Variants in ITGAX observed in about 807,000 individuals in gnomAD.
The protein encoded by ITGAX is integrin subunit alpha X.
A neutral mutation model predicts 140.2 loss-of-function variants in ITGAX; 99 were observed. That is an observed-to-expected ratio of 0.71 (90% CI 0.60 to 0.83). The LOEUF (loss-of-function observed/expected upper bound fraction) is 0.83, where lower values mean the gene tolerates loss of function less well. Among genes scored for constraint, ITGAX ranks in the 40% least tolerant of loss-of-function variants. ITGAX has a pLI of 0.00. For missense variants in ITGAX, 1,444 were observed against 1,482.0 expected (o/e 0.97, Z 0.42); for synonymous variants, 631 against 600.4 (o/e 1.05, Z -0.75).
chr16:31,361,835 G>C lies in ITGAX; in HGVS notation c.1013-1G>C. On this transcript the variant is annotated splice_acceptor_variant, in intron 9 of 29. Coordinates refer to ENST00000268296, the MANE Select transcript of ITGAX (RefSeq NM_000887.5). LOFTEE classifies it high-confidence loss of function. Reference sequence around the variant, plus strand: ...CACTCAAGCGTCATGCCTTCCCCCAGGTACGGAGACCACAAGCAGTAGCTC... The same window carrying C: ...CACTCAAGCGTCATGCCTTCCCCCACGTACGGAGACCACAAGCAGTAGCTC... 1 of 1,614,058 alleles carries C rather than the reference G, an allele frequency of 6.2e-7. No homozygotes were observed. The highest frequency in any genetic ancestry group is 1.3e-5 in the African/African-American group (1 of 75,024).
chr16:31,371,089 C>G lies in ITGAX; in HGVS notation c.1716C>G (p.Ile572Met). 1 of 1,614,004 alleles carries G rather than the reference C, an allele frequency of 6.2e-7. No homozygotes were observed. Residue 572 changes from isoleucine (I) to methionine (M), a missense_variant, in exon 15 of 30, where the codon ATC becomes ATG. Transcript: ENST00000268296. ...CCCTTCTCTCCTCTGGCCAGCGGAT[C>G]GCGGGCTCCCAGCTCTCCTCCAGGC... ...PSISPSHSQR[I>M]AGSQLSSRLQ... is the part of the protein sequence containing the mutation.
intron 9 of ITGAX, chr16:31,361,570 C>A (rs756739350): frequency 4.2e-6 from 3 of 707,790 alleles, no homozygotes; most frequent in South Asian, 1.8e-5. Context: ...AAGGGGCACA[C>A]GGACACCTGG....
At chr16:31,363,466 C>T in intron 14 of ITGAX, 92 bp downstream of exon 14, 1 of 1,425,586 alleles carries the variant, frequency 7.0e-7, no homozygotes, top group South Asian at 1.2e-5. Context: ...TTTACCTTTT[C>T]CTACCTCCCT....
At chr16:31,380,743 G>A (rs758375756) in intron 28 of ITGAX, 119 bp downstream of exon 28, 3 of 1,363,676 alleles carry the variant, frequency 2.2e-6, no homozygotes, top group Non-Finnish European at 3.1e-6. Flanking sequence ...CTCTGGGCAG[G>A]ATAGCTGTCC....
intron 15 of ITGAX, 37 bp downstream of exon 15, chr16:31,371,251 C>A (rs2080955221): frequency 6.2e-7 from 1 of 1,604,462 alleles, no homozygotes; most frequent in Non-Finnish European, 8.5e-7. Flanking sequence ...CCCAGGTGGT[C>A]CTAGGTTCAG....
At chr16:31,377,351 C>A in intron 23 of ITGAX, 86 bp downstream of exon 23, 2 of 1,089,816 alleles carry the variant, frequency 1.8e-6, no homozygotes, top group Non-Finnish European at 2.7e-6. Flanking sequence ...AACGCTGCCA[C>A]AGAGGGTGAG....
rs368404902 is a variant in ITGAX at position 31,361,200 on chromosome 16, C to A, written c.999C>A (p.Ile333=). The change falls in exon 9 of 30, where the codon ATC becomes ATA. Residue 333 remains isoleucine, a synonymous_variant. Coordinates refer to ENST00000268296, the MANE Select transcript of ITGAX (RefSeq NM_000887.5). ...KDIQNQLKEK[I]FAIEGTETTS... ...TTCAAAACCAACTGAAGGAGAAGAT[C>A]TTTGCCATTGAGGGTGAGTCTGAAG... 4 of 1,611,896 alleles carry A rather than the reference C, an allele frequency of 2.5e-6. No homozygotes were observed. The highest frequency in any genetic ancestry group is 3.4e-6 in the Non-Finnish European group (4 of 1,178,748).
At position 31,380,005 on chromosome 16, in the gene ITGAX, A is replaced by G; in HGVS notation, c.3000A>G (p.Ser1000=). 1 of 1,614,126 alleles carries G rather than the reference A, an allele frequency of 6.2e-7. No homozygotes were observed. Among genetic ancestry groups the G allele is most frequent in the South Asian group, 1.1e-5 (1 of 91,080 alleles). ...HPQNPSLRCS[S]EKIAPPASDF... ...AGAACCCATCCCTTCGGTGCTCCTC[A>G]GAGAAAATCGCACCCCCAGCATCTG... Residue 1000 remains serine, a synonymous_variant, in exon 26 of 30, where the codon TCA becomes TCG. Coordinates refer to ENST00000268296, the MANE Select transcript of ITGAX (RefSeq NM_000887.5).
At position 31,377,005 on chromosome 16, in the gene ITGAX, C is replaced by T. The variant is rs1405742034; in HGVS notation, c.2631C>T (p.Thr877=). The change falls in exon 22 of 30, where the codon ACC becomes ACT. Residue 877 remains threonine (T), a synonymous_variant. Transcript: ENST00000268296. ...HLIFRGGAQI[T]FLATFDVSPK... The stretch of plus-strand genomic sequence containing the variant: ...TCTCAGTTCCTTTTCCTCAGATCAC[C>T]TTCTTGGCTACCTTTGACGTCTCCC... The T allele has an allele frequency of 5.6e-6, 9 of 1,614,176 alleles. No individual in the cohort carries two copies. Among genetic ancestry groups the T allele is most frequent in the Middle Eastern group, 1.6e-4 (1 of 6,062 alleles).
chr16:31,357,095 G>A lies in ITGAX; in HGVS notation c.312G>A (p.Gln104=). The change falls in exon 4 of 30, where the codon CAG becomes CAA. Residue 104 remains glutamine, a synonymous_variant. Transcript: ENST00000268296. ...LSLASTTSPS[Q]LLACGPTVHH... ...TGGCGTCTACCACCAGCCCTTCCCAGCTGCTGGTGAGTGGCCCTGGGTCAC... is the reference window on the plus strand; with the variant it reads ...TGGCGTCTACCACCAGCCCTTCCCAACTGCTGGTGAGTGGCCCTGGGTCAC... 1 of 1,606,048 alleles carries A rather than the reference G, an allele frequency of 6.2e-7. No individual in the cohort carries two copies. Among genetic ancestry groups the A allele is most frequent in the Non-Finnish European group, 8.5e-7 (1 of 1,178,592 alleles).
intron 9 of ITGAX, 90 bp downstream of exon 9, chr16:31,361,303 A>G (rs528834889): frequency 6.3e-5 from 87 of 1,386,384 alleles, no homozygotes; most frequent in Middle Eastern, 5.5e-4. Flanking sequence ...ACAGGTAGAC[A>G]GCGTCTCGGT....
At chr16:31,369,501 C>T (rs979009126) in intron 14 of ITGAX, among the ~76,000 whole-genome samples, 1 of 152,210 alleles carries the variant, frequency 6.6e-6, no homozygotes, top group Non-Finnish European at 1.5e-5. Context: ...AGCAAACTTC[C>T]TCACGGTCTT....
rs140545479 is a variant in ITGAX at position 31,374,214 on chromosome 16, G to A, written c.2508+824G>A. 3.0e-3 allele frequency among the ~76,000 whole-genome samples: 463 copies of A among 152,166 alleles called. 7 individuals carry two copies. Among genetic ancestry groups the A allele is most frequent in the East Asian group, 0.01 (54 of 5,174 alleles). ...CGAGGTGAGAGAACTGCTTGAACCC[G>A]GAAGACGGAGGTTGCAGTGAGCTGA... On this transcript the variant is annotated intron_variant, in intron 20 of 29. Coordinates refer to ENST00000268296, the MANE Select transcript of ITGAX (RefSeq NM_000887.5).
At chr16:31,357,416 G>A in intron 5 of ITGAX, 52 bp downstream of exon 5, 12 of 1,174,386 alleles carry the variant, frequency 1.0e-5, no homozygotes, top group Non-Finnish European at 1.5e-5. Flanking sequence ...ATCCAATTGG[G>A]GGTGCGGTGG....
rs139448665 is a variant in ITGAX, at chr16:31,371,382, C to G, written c.1890C>G (p.Ala630=). The G allele has an allele frequency of 2.5e-6, 4 of 1,614,198 alleles. No individual in the cohort carries two copies. The highest frequency in any genetic ancestry group is 3.4e-6 in the Non-Finnish European group (4 of 1,180,028). ...WVGVSMQFIP[A]EIPRSAFECR... Reference sequence around the variant, plus strand: ...GGGTGAGCATGCAGTTCATACCTGCCGAGATCCCCAGGTCTGCGTTTGAGT... The same window carrying G: ...GGGTGAGCATGCAGTTCATACCTGCGGAGATCCCCAGGTCTGCGTTTGAGT... Residue 630 remains alanine (A), a synonymous_variant, in exon 16 of 30, where the codon GCC becomes GCG. Transcript: ENST00000268296.
At position 31,380,506 on chromosome 16, in the gene ITGAX, C is replaced by T; in HGVS notation, c.3175-17C>T. On this transcript the variant is annotated splice_polypyrimidine_tract_variant and intron_variant, in intron 27 of 29. Coordinates refer to ENST00000268296, the MANE Select transcript of ITGAX (RefSeq NM_000887.5). Reference sequence around the variant, plus strand: ...CCCCAGAGCCAGTTCAACAGGTTTCCCCCAACCCCTTTGCAGATATTGCAG... The same window carrying T: ...CCCCAGAGCCAGTTCAACAGGTTTCTCCCAACCCCTTTGCAGATATTGCAG... 6.2e-7 allele frequency: 1 copy of T among 1,614,204 alleles called. No homozygotes were observed. Among genetic ancestry groups the T allele is most frequent in the Non-Finnish European group, 8.5e-7 (1 of 1,180,020 alleles).
intron 8 of ITGAX, chr16:31,360,679 C>G: frequency 1.8e-6 from 1 of 559,276 alleles, no homozygotes; most frequent in East Asian, 3.1e-5. Flanking sequence ...GCCATCAAGC[C>G]TGGCTATTTT....
intron 1 of ITGAX, 87 bp from the exon 2 acceptor site, chr16:31,355,806 G>A (rs2080752889): frequency 2.0e-6 from 2 of 996,034 alleles, no homozygotes; most frequent in Admixed American, 2.0e-5. Flanking sequence ...GCTCGGAGGG[G>A]AGATTGGGAC....
In ITGAX at chr16:31,379,655, TGGAGACGCA is replaced by T; in HGVS notation, c.2868+16_2868+24del. On this transcript the variant is annotated intron_variant, in intron 24 of 29. Coordinates refer to ENST00000268296, the MANE Select transcript of ITGAX (RefSeq NM_000887.5). ...CCATGCACAGATACCAGGCAGGTGG[TGGAGACGCA>T]GGAGACTGGGCTGGGGTGGGAGGCT... 1.3e-6 allele frequency: 2 copies of T among 1,565,544 alleles called. No homozygotes were observed. Among genetic ancestry groups the T allele is most frequent in the Non-Finnish European group, 1.7e-6 (2 of 1,154,544 alleles).
Sources: gnomAD v4.1 joint callset for allele counts (sites outside exome capture counted in the v4.1 genomes callset) on GRCh38, gnomAD v4.1.1 for gene constraint, MANE v1.5 for transcripts, NCBI Gene and HGNC (gene_info 2026-07-23, HGNC 2026-07-21) for gene names.